The following FARP1 variants were observed in gnomAD, a reference collection of about 807,000 sequenced individuals.
FARP1 encodes the protein FERM, ARHGEF and pleckstrin domain-containing protein 1.
Under a neutral mutation model 128.8 loss-of-function variants are expected in FARP1, and 52 were observed. That is an observed-to-expected ratio of 0.40 (90% CI 0.32 to 0.51). FARP1 has a LOEUF of 0.51. Ranked by LOEUF, FARP1 falls within the 20% of genes least tolerant of loss-of-function variation. The pLI, the probability that FARP1 is intolerant of heterozygous loss-of-function variation, is 0.45. For missense variants in FARP1, 1,333 were observed against 1,367.9 expected, an observed-to-expected ratio of 0.97 and a Z score of 0.40; for synonymous variants, 580 against 551.8, an observed-to-expected ratio of 1.05 and a Z score of -0.72.
At chr13:98,401,618 T>A (rs1890773890) in intron 13 of FARP1, 1 of 151,670 alleles carries the variant, frequency 6.6e-6, no homozygotes. Context: ...TTGTGCCATA[T>A]GTGTGTTTGG....
intron 2 of FARP1, among the ~76,000 whole-genome samples, chr13:98,249,102 T>C (rs1350007075): frequency 6.6e-6 from 1 of 152,200 alleles, no homozygotes; most frequent in African/African-American, 2.4e-5. Context: ...GAATCTAATC[T>C]TGTATTTCTC....
chr13:98,233,612 A>G (rs1882265905), intron 2 of FARP1: 1 of 152,222 alleles, frequency 6.6e-6, no homozygotes, highest in Non-Finnish European at 1.5e-5. Flanking sequence ...CCAAGCTTCT[A>G]TGCATGTGAA....
chr13:98,419,283 T>C (rs1351573257), intron 16 of FARP1, among the ~76,000 whole-genome samples: 2 of 151,982 alleles, frequency 1.3e-5, no homozygotes, highest in South Asian at 4.1e-4. Context: ...AGACCAGCCT[T>C]GCCAACATGG....
At chr13:98,252,723 G>T (rs1883403326) in intron 2 of FARP1, among the ~76,000 whole-genome samples, 1 of 152,116 alleles carries the variant, frequency 6.6e-6, no homozygotes, top group South Asian at 2.1e-4. Flanking sequence ...GCCTTCCCAG[G>T]ACCTGAAATT....
chr13:98,313,581 G>A (rs1242925233), intron 2 of FARP1, among the ~76,000 whole-genome samples: 1 of 152,188 alleles, frequency 6.6e-6, no homozygotes, highest in African/African-American at 2.4e-5. Context: ...ACCCATGAAT[G>A]GACCTTTGTC....
chr13:98,277,107 A>AAACACACACACACAC (rs1566824104), intron 2 of FARP1, among the ~76,000 whole-genome samples: 1 of 15,256 alleles, frequency 6.6e-5, no homozygotes. Flanking sequence ...GCTCTAGAAA[A>AAACACACACACACAC]ATACACACAC....
Position 98,149,497 on chromosome 13 carries a change from G to A in FARP1, c.-24+6005G>A, listed in dbSNP as rs539005581. Among the ~76,000 whole-genome samples the A allele has an allele frequency of 2.0e-4, 30 of 152,046 alleles. 1 individual carries two copies. The highest frequency in any genetic ancestry group is 3.8e-4 in the Non-Finnish European group (26 of 68,034). ...AAGTGTGTGCCTAACTTTATAATAA[G>A]CTATTTGTAAGAAAGCGTTGGCACC... is the stretch of plus-strand genomic sequence containing the variant. On this transcript the variant is annotated intron_variant, in intron 1 of 26. Transcript: ENST00000319562.
At chr13:98,142,837 A>G (rs1246682831), upstream of FARP1, 1 of 151,976 alleles carries the variant, frequency 6.6e-6, no homozygotes, top group African/African-American at 2.4e-5. Flanking sequence ...CCCGCGCTGC[A>G]TTAGGTAGCG....
intron 5 of FARP1, among the ~76,000 whole-genome samples, chr13:98,373,081 C>T (rs1244198463): frequency 6.6e-6 from 1 of 152,142 alleles, no homozygotes; most frequent in Non-Finnish European, 1.5e-5. Flanking sequence ...CAGGAAGAGT[C>T]CATGTAATCA....
chr13:98,393,647 C>A lies in FARP1; in HGVS notation c.1093C>A (p.His365Asn), dbSNP rs1333636345. 2.7e-5 allele frequency: 43 copies of A among 1,612,914 alleles called. No homozygotes were observed. Among genetic ancestry groups the A allele is most frequent in the Non-Finnish European group, 3.3e-5 (39 of 1,179,032 alleles). The change falls in exon 12 of 27, where the codon CAC becomes AAC. Residue 365 changes from histidine to asparagine, a missense_variant. Coordinates refer to ENST00000319562, the MANE Select transcript of FARP1 (RefSeq NM_005766.4). ...ATCTTGTGTGATTTTTCCCAGGAAG[C>A]ACAGCAAGATTCATTCTATCCGGAG... ...GHKKVQFERK[H>N]SKIHSIRSLA...
intron 2 of FARP1, among the ~76,000 whole-genome samples, chr13:98,318,950 GTT>G (rs56166470): frequency 0.045 from 5,417 of 120,778 alleles, 184 homozygotes; most frequent in Middle Eastern, 0.11. Context: ...GTTTTTTCTT[GTT>G]TTTTTTTTTT....
At chr13:98,265,842 G>A in intron 2 of FARP1, among the ~76,000 whole-genome samples, 1 of 152,176 alleles carries the variant, frequency 6.6e-6, no homozygotes, top group Non-Finnish European at 1.5e-5. Context: ...AGACTTCACA[G>A]TCTGATAGAG....
chr13:98,208,339 A>T (rs1220194890), intron 1 of FARP1, among the ~76,000 whole-genome samples: 1 of 150,382 alleles, frequency 6.6e-6, no homozygotes, highest in African/African-American at 2.4e-5. Flanking sequence ...AAAGCCGGGC[A>T]TGGTGGTGGG....
chr13:98,383,045 A>C (rs557600591), intron 6 of FARP1, among the ~76,000 whole-genome samples: 1 of 152,338 alleles, frequency 6.6e-6, no homozygotes, highest in African/African-American at 2.4e-5. Flanking sequence ...CAGTTAACTA[A>C]AATGTTGTTT....
chr13:98,437,388 C>T lies in FARP1; in HGVS notation c.2275-1416C>T, dbSNP rs185731824. Among the ~76,000 whole-genome samples, 535 of 152,072 alleles carry T rather than the reference C, an allele frequency of 3.5e-3. 5 individuals carry two copies. Among genetic ancestry groups the T allele is most frequent in the African/African-American group, 0.013 (520 of 41,440 alleles). ...GATTATCTGAGGCTGGTGGTGCAGG[C>T]GGTAAGAATTATTTACGAAGACAGT... is the stretch of plus-strand genomic sequence containing the variant. On this transcript the variant is annotated intron_variant, in intron 19 of 26. Coordinates refer to ENST00000319562, the MANE Select transcript of FARP1 (RefSeq NM_005766.4).
intron 16 of FARP1, among the ~76,000 whole-genome samples, chr13:98,420,274 A>G (rs2140141956): frequency 6.6e-6 from 1 of 152,254 alleles, no homozygotes; most frequent in African/African-American, 2.4e-5. Flanking sequence ...GTTTCCTGGC[A>G]GTTGGAGACA....
At chr13:98,204,014 C>G (rs1880114075) in intron 1 of FARP1, 1 of 152,194 alleles carries the variant, frequency 6.6e-6, no homozygotes, top group Admixed American at 6.6e-5. Flanking sequence ...CGGGGATGGT[C>G]GTCCTCTTCT....
chr13:98,169,879 CA>C (rs58717563), intron 1 of FARP1, among the ~76,000 whole-genome samples: 6 of 150,768 alleles, frequency 4.0e-5, no homozygotes, highest in Non-Finnish European at 7.4e-5. Flanking sequence ...CCTAAGTTTT[CA>C]AAAAAAAATT....
intron 2 of FARP1, among the ~76,000 whole-genome samples, chr13:98,261,776 T>C (rs899445866): frequency 6.6e-6 from 1 of 152,128 alleles, no homozygotes; most frequent in African/African-American, 2.4e-5. Context: ...TTAGTGCGTT[T>C]TGCGTTACAA....
Sources: allele counts gnomAD v4.1 joint callset (sites outside exome capture counted in the v4.1 genomes callset), GRCh38; gene constraint gnomAD v4.1.1; transcripts MANE v1.5; gene names NCBI Gene and HGNC (gene_info 2026-07-23, HGNC 2026-07-21).